The following TAFA2 variants were observed in gnomAD, a reference collection of about 807,000 sequenced individuals.
TAFA2 encodes TAFA chemokine like family member 2, also known as chemokine-like protein TAFA-2.
In TAFA2, 7 loss-of-function variants were observed where a neutral mutation model predicts 18.8. That is an observed-to-expected ratio of 0.37 (90% CI 0.21 to 0.70). The LOEUF (loss-of-function observed/expected upper bound fraction) is 0.70. TAFA2 is among the 30% of genes least tolerant of loss of function. The pLI is 0.53. For missense variants in TAFA2, 122 were observed against 158.1 expected (o/e 0.77, Z 1.23); for synonymous variants, 60 against 54.2 (o/e 1.11, Z -0.47).
At chr12:61,832,886 A>T (rs1324655899) in intron 2 of TAFA2, among the ~76,000 whole-genome samples, 2 of 151,626 alleles carry the variant, frequency 1.3e-5, no homozygotes, top group Non-Finnish European at 2.9e-5. Context: ...TTCTCTCTTG[A>T]CCAGCTCATC....
At chr12:62,041,659 A>C (rs1422261426) in intron 1 of TAFA2, among the ~76,000 whole-genome samples, 1 of 152,160 alleles carries the variant, frequency 6.6e-6, no homozygotes, top group Admixed American at 6.6e-5. Context: ...AACTATCTGA[A>C]TTGCATGTAT....
chr12:61,816,898 A>G (rs1324893971), intron 2 of TAFA2, among the ~76,000 whole-genome samples: 7 of 151,272 alleles, frequency 4.6e-5, no homozygotes, highest in Admixed American at 4.6e-4. Context: ...TTTTGTATGC[A>G]TAGGGTCTGG....
chr12:61,901,216 G>T (rs1876083979), intron 1 of TAFA2, among the ~76,000 whole-genome samples: 2 of 149,438 alleles, frequency 1.3e-5, no homozygotes, highest in South Asian at 2.1e-4. Context: ...TTATTCTAAT[G>T]TCAAACTTAA....
At chr12:61,913,651 C>T (rs1382632822) in intron 1 of TAFA2, among the ~76,000 whole-genome samples, 1 of 152,104 alleles carries the variant, frequency 6.6e-6, no homozygotes, top group East Asian at 1.9e-4. Flanking sequence ...TCTAACATTC[C>T]TAATTAATAT....
intron 1 of TAFA2, among the ~76,000 whole-genome samples, chr12:62,038,540 A>G (rs1176565172): frequency 6.6e-6 from 1 of 152,202 alleles, no homozygotes; most frequent in Non-Finnish European, 1.5e-5. Flanking sequence ...TGCATAGGTT[A>G]CATGCAAATT....
At chr12:62,110,287 T>C (rs1342235143) in intron 1 of TAFA2, among the ~76,000 whole-genome samples, 1 of 152,192 alleles carries the variant, frequency 6.6e-6, no homozygotes, top group Non-Finnish European at 1.5e-5. Context: ...TCTTTATTGA[T>C]TTGTGTATGT....
Position 62,172,016 on chromosome 12 carries a change from G to T in TAFA2, c.-2+19243C>A, listed in dbSNP as rs145281810. Among the ~76,000 whole-genome samples, 386 of 152,212 alleles carry T rather than the reference G, an allele frequency of 2.5e-3. 1 individual carries two copies. The highest frequency in any genetic ancestry group is 8.7e-3 in the African/African-American group (363 of 41,524). ...TTAGGAAAATGGTCAGAGTGTATCT[G>T]TATTGTCTCTTATAAATGTATTTTT... On this transcript the variant is annotated intron_variant, in intron 1 of 4. Coordinates refer to ENST00000416284, the MANE Select transcript of TAFA2 (RefSeq NM_178539.5).
intron 1 of TAFA2, among the ~76,000 whole-genome samples, chr12:61,905,212 T>G (rs1344410657): frequency 3.3e-5 from 5 of 152,156 alleles, no homozygotes; most frequent in Admixed American, 3.3e-4. Flanking sequence ...ATGACTATCT[T>G]AAGAAGATAG....
chr12:61,969,584 C>T (rs553490570), intron 1 of TAFA2, among the ~76,000 whole-genome samples: 88 of 151,672 alleles, frequency 5.8e-4, no homozygotes, highest in African/African-American at 2.1e-3. Context: ...TAATGAAAGA[C>T]CTAATAGTAC....
At chr12:61,817,144 C>T (rs2121033063) in intron 2 of TAFA2, among the ~76,000 whole-genome samples, 1 of 146,242 alleles carries the variant, frequency 6.8e-6, no homozygotes, top group Middle Eastern at 3.4e-3. Context: ...TACATGAGGA[C>T]ATCCTGATAT....
intron 4 of TAFA2, among the ~76,000 whole-genome samples, chr12:61,731,867 T>C (rs1291186337): frequency 7.2e-5 from 11 of 152,072 alleles, no homozygotes; most frequent in Admixed American, 7.2e-4. Context: ...AGGTTATGTG[T>C]TCTAGGTTCT....
chr12:61,766,940 A>G (rs1220563864), intron 2 of TAFA2, among the ~76,000 whole-genome samples: 2 of 152,094 alleles, frequency 1.3e-5, no homozygotes, highest in Non-Finnish European at 2.9e-5. Context: ...GGAGGTAAGA[A>G]GCTCTGGCTT....
intron 1 of TAFA2, chr12:62,023,588 G>A (rs1332713805): frequency 8.3e-6 from 1 of 120,802 alleles, no homozygotes. Flanking sequence ...TCATGATTTT[G>A]TAACTAAAAA....
chr12:61,866,305 T>C (rs1874352838), intron 2 of TAFA2, among the ~76,000 whole-genome samples: 1 of 152,158 alleles, frequency 6.6e-6, no homozygotes, highest in Non-Finnish European at 1.5e-5. Context: ...ACCATGTCTT[T>C]TCTCTCCCTG....
intron 1 of TAFA2, among the ~76,000 whole-genome samples, chr12:62,045,378 A>AT (rs34240583): frequency 0.017 from 2,559 of 152,072 alleles, 83 homozygotes; most frequent in African/African-American, 0.059. Context: ...TGACCAAGAA[A>AT]TTTTTTTTAA....
chr12:61,929,071 T>C (rs1367575677), intron 1 of TAFA2, among the ~76,000 whole-genome samples: 3 of 151,670 alleles, frequency 2.0e-5, no homozygotes, highest in African/African-American at 7.3e-5. Flanking sequence ...AATGGGTTGA[T>C]GGGTGCCGCA....
Position 62,234,653 on chromosome 12 carries a change from G to C in TAFA2, c.-130+24110C>G, listed in dbSNP as rs1300500037. On this transcript the variant is annotated intron_variant, in intron 1 of 5. Coordinates refer to the TAFA2 transcript ENST00000551619. ...GCTTGCACTGGTGGCTAACAAGGTA[G>C]GAGCGTTTGGTATAAGCTTTTCCGC... is the stretch of plus-strand genomic sequence containing the variant. The C allele has an allele frequency of 4.6e-6, 4 of 878,898 alleles. No homozygotes were observed. The African/African-American group carries it at 6.6e-5, about 14-fold the overall frequency. The allele number at this position is 878,898 out of a possible 1,614,324, so 54.4% of individuals were successfully genotyped here.
chr12:62,177,461 T>C (rs1045581506), intron 1 of TAFA2, among the ~76,000 whole-genome samples: 1 of 152,168 alleles, frequency 6.6e-6, no homozygotes, highest in African/African-American at 2.4e-5. Flanking sequence ...ACATTATTGT[T>C]CCCCAAATCT....
chr12:62,056,564 A>G (rs916420005), intron 1 of TAFA2, among the ~76,000 whole-genome samples: 2 of 152,070 alleles, frequency 1.3e-5, no homozygotes, highest in Non-Finnish European at 2.9e-5. Flanking sequence ...CACCAACCCC[A>G]CTTCCCACAC....
Sources: gnomAD v4.1 joint callset for allele counts (sites outside exome capture counted in the v4.1 genomes callset) on GRCh38, gnomAD v4.1.1 for gene constraint, MANE v1.5 for transcripts, NCBI Gene and HGNC (gene_info 2026-07-23, HGNC 2026-07-21) for gene names.